Variants in MRTFB observed in about 807,000 individuals in gnomAD.
The protein encoded by MRTFB is myocardin-related transcription factor B.
In MRTFB, 29 loss-of-function variants were observed where a neutral mutation model predicts 104.2. That is an observed-to-expected ratio of 0.28 (90% confidence interval 0.21 to 0.38). The LOEUF is 0.38. Among genes scored for constraint, MRTFB ranks in the 10% least tolerant of loss-of-function variants. The pLI, the probability that MRTFB is intolerant of heterozygous loss-of-function variation, is 1.00. For missense variants in MRTFB, 1,270 were observed against 1,341.6 expected, an observed-to-expected ratio of 0.95 and a Z score of 0.83; for synonymous variants, 535 against 519.5, an observed-to-expected ratio of 1.03 and a Z score of -0.41.
At chr16:14,126,503 G>T (rs915040549) in intron 2 of MRTFB, among the ~76,000 whole-genome samples, 24 of 152,144 alleles carry the variant, frequency 1.6e-4, no homozygotes, top group African/African-American at 5.5e-4. Context: ...TAGAAAGGGG[G>T]TTAAATTTTT....
intron 3 of MRTFB, among the ~76,000 whole-genome samples, chr16:14,167,666 T>C (rs2039289620): frequency 1.3e-5 from 2 of 151,994 alleles, no homozygotes; most frequent in Admixed American, 6.6e-5. Context: ...AATCTATCTT[T>C]TTGTTTCTTT....
intron 2 of MRTFB, among the ~76,000 whole-genome samples, chr16:14,101,769 G>A (rs1003519005): frequency 6.6e-6 from 1 of 152,054 alleles, no homozygotes; most frequent in Non-Finnish European, 1.5e-5. Flanking sequence ...CTTAGTAACA[G>A]GTATTTCTCC....
the MRTFB span, among the ~76,000 whole-genome samples, chr16:14,028,692 C>T: frequency 4.6e-5 from 7 of 152,220 alleles, no homozygotes; most frequent in Non-Finnish European, 7.3e-5. Flanking sequence ...ACCGCAACTT[C>T]CTAGTTGTGC....
chr16:14,206,446 A>T (rs376278044), intron 3 of MRTFB, among the ~76,000 whole-genome samples: 111 of 152,374 alleles, frequency 7.3e-4, no homozygotes, highest in African/African-American at 2.5e-3. Flanking sequence ...TGCCAAAATT[A>T]TAAGTCTATA....
At chr16:14,132,385 AGAC>A (rs1826327235) in intron 2 of MRTFB, among the ~76,000 whole-genome samples, 1 of 152,126 alleles carries the variant, frequency 6.6e-6, no homozygotes, top group South Asian at 2.1e-4. Flanking sequence ...ATATATTAAA[AGAC>A]GACCAAATTT....
the MRTFB span, among the ~76,000 whole-genome samples, chr16:14,057,425 A>G: frequency 5.8e-4 from 88 of 152,056 alleles, no homozygotes; most frequent in African/African-American, 2.1e-3. Flanking sequence ...TCATCTTCCA[A>G]CACACATGTT....
At chr16:14,251,813 TAAGAA>T in intron 13 of MRTFB, 44 bp from the exon 14 acceptor site, 1 of 1,593,476 alleles carries the variant, frequency 6.3e-7, no homozygotes, top group Non-Finnish European at 8.6e-7. Context: ...TTTACTTCAT[TAAGAA>T]AAGCCAAAGA....
intron 3 of MRTFB, among the ~76,000 whole-genome samples, chr16:14,201,549 T>C (rs1232772518): frequency 4.6e-5 from 7 of 152,230 alleles, no homozygotes; most frequent in Non-Finnish European, 5.9e-5. Flanking sequence ...CTAACTACTT[T>C]ATAAAATTTT....
chr16:14,019,801 G>T, the MRTFB span, among the ~76,000 whole-genome samples: 1 of 150,838 alleles, frequency 6.6e-6, no homozygotes, highest in Non-Finnish European at 1.5e-5. Flanking sequence ...ACATGTTTGG[G>T]TTCAAATTCC....
At chr16:14,003,314 T>C in the MRTFB span, among the ~76,000 whole-genome samples, 1 of 152,150 alleles carries the variant, frequency 6.6e-6, no homozygotes, top group Non-Finnish European at 1.5e-5. Flanking sequence ...AATGGTCCTG[T>C]CACTTCTCTA....
At chr16:14,133,114 A>G (rs1183943686) in intron 2 of MRTFB, among the ~76,000 whole-genome samples, 2 of 152,232 alleles carry the variant, frequency 1.3e-5, no homozygotes, top group African/African-American at 2.4e-5. Flanking sequence ...AGTCTTTTCA[A>G]TTTTTACTCT....
At chr16:14,078,153 A>G (rs1048880915) in intron 1 of MRTFB, among the ~76,000 whole-genome samples, 2 of 152,042 alleles carry the variant, frequency 1.3e-5, no homozygotes, top group African/African-American at 4.8e-5. Context: ...CCAGTCAAAA[A>G]CAGTATCTGT....
At chr16:14,072,023 G>T (rs2033733516) in intron 1 of MRTFB, among the ~76,000 whole-genome samples, 1 of 152,188 alleles carries the variant, frequency 6.6e-6, no homozygotes, top group African/African-American at 2.4e-5. Context: ...GCAGAGGTGG[G>T]CTGAGAGCAG....
chr16:14,109,319 T>G (rs2036154154), intron 2 of MRTFB, among the ~76,000 whole-genome samples: 1 of 152,164 alleles, frequency 6.6e-6, no homozygotes, highest in Non-Finnish European at 1.5e-5. Flanking sequence ...CAAAAGAGAA[T>G]GTCTCGAAGC....
At chr16:14,017,687 G>GTGTATA in the MRTFB span, among the ~76,000 whole-genome samples, 2 of 6,814 alleles carry the variant, frequency 2.9e-4, no homozygotes, top group African/African-American at 5.2e-4. Context: ...GTGTGTGTGT[G>GTGTATA]TATATATATA....
At chr16:14,033,519 GAC>G in the MRTFB span, among the ~76,000 whole-genome samples, 2 of 151,882 alleles carry the variant, frequency 1.3e-5, no homozygotes, top group Non-Finnish European at 2.9e-5. Context: ...CAGCCTGGGT[GAC>G]AGAGCAAGAT....
chr16:14,024,152 G>A, the MRTFB span, among the ~76,000 whole-genome samples: 3 of 151,984 alleles, frequency 2.0e-5, no homozygotes, highest in African/African-American at 4.8e-5. Flanking sequence ...TATTGGTGTT[G>A]TTCACAGCCC....
At chr16:14,066,961 ATGCCTGGC>A (rs386789311), upstream of MRTFB, among the ~76,000 whole-genome samples, 9,969 of 151,804 alleles carry the variant, frequency 0.066, 1,001 homozygotes, top group African/African-American at 0.22. Flanking sequence ...GTGGGCCACC[ATGCCTGGC>A]CAGAATTACC....
intron 8 of MRTFB, among the ~76,000 whole-genome samples, chr16:14,227,353 C>T (rs983037398): frequency 6.6e-6 from 1 of 152,114 alleles, no homozygotes; most frequent in Non-Finnish European, 1.5e-5. Context: ...TCCTCTTTTC[C>T]CCTGTAATGT....
Sources: gnomAD v4.1 joint callset for allele counts (sites outside exome capture counted in the v4.1 genomes callset) on GRCh38, gnomAD v4.1.1 for gene constraint, MANE v1.5 for transcripts, NCBI Gene and HGNC (gene_info 2026-07-23, HGNC 2026-07-21) for gene names.